Variants in FAM83E observed in about 807,000 individuals in gnomAD.
FAM83E encodes protein FAM83E.
FAM83E carries 29 observed loss-of-function variants against 34.3 expected under a neutral mutation model. That is an observed-to-expected ratio of 0.85 (90% CI 0.63 to 1.15). The LOEUF (loss-of-function observed/expected upper bound fraction) is 1.15. Among genes scored for constraint, FAM83E ranks in the 50% most tolerant of loss-of-function variants. The pLI is 0.00. For synonymous variants in FAM83E, 312 were observed against 311.6 expected, an observed-to-expected ratio of 1.00 and a Z score of -0.01; for missense variants, 697 against 685.0, an observed-to-expected ratio of 1.02 and a Z score of -0.20.
intron 5 of FAM83E, among the ~76,000 whole-genome samples, chr19:48,607,898 G>C (rs1601128165): frequency 6.7e-6 from 1 of 150,178 alleles, no homozygotes. Context: ...CCTGTCTTAC[G>C]TTACGTGCCA....
intron 6 of FAM83E, among the ~76,000 whole-genome samples, chr19:48,602,392 G>A (rs1413154092): frequency 6.6e-6 from 1 of 151,296 alleles, no homozygotes; most frequent in Non-Finnish European, 1.5e-5. Context: ...GGGAGCCCGA[G>A]AGGGAAGGGG....
rs1317429301 is a variant in FAM83E at position 48,613,352 on chromosome 19, C to T, written c.21G>A (p.Ala7=). ...GACCGGAGTCCACTCCTTCCAGCGC[C>T]GCCAGCTGGGAGGCCGCCATCGGGG... MAASQL[A]ALEGVDSGPR... is the part of the protein sequence containing the mutation. The change falls in exon 3 of 7, where the codon GCG becomes GCA. Residue 7 remains alanine, a synonymous_variant. Transcript: ENST00000263266. 21 of 1,570,484 alleles carry T rather than the reference C, an allele frequency of 1.3e-5. No homozygotes were observed. Among genetic ancestry groups the T allele is most frequent in the Non-Finnish European group, 1.6e-5 (19 of 1,158,472 alleles).
In FAM83E at chr19:48,601,297, G is replaced by T. The variant is rs1237961771; in HGVS notation, c.1249C>A (p.Pro417Thr). 1 of 1,576,974 alleles carries T rather than the reference G, an allele frequency of 6.3e-7. No homozygotes were observed. The highest frequency in any genetic ancestry group is 1.1e-5 in the South Asian group (1 of 87,020). The change falls in exon 7 of 7, where the codon CCC becomes ACC. Residue 417 changes from proline (P) to threonine (T), a missense_variant. Coordinates refer to ENST00000263266, the MANE Select transcript of FAM83E (RefSeq NM_017708.4). Reference protein sequence around the residue: ...LMRQRGTGGGPWGEVDSRPPW... With the variant: ...LMRQRGTGGGTWGEVDSRPPW... ...GGTCGGGAGTCCACTTCCCCCCAGG[G>T]GCCTCCTCCAGTGCCCCGCTGCCTC...
intron 5 of FAM83E, among the ~76,000 whole-genome samples, chr19:48,606,480 T>A (rs1375844316): frequency 6.6e-6 from 1 of 152,118 alleles, no homozygotes; most frequent in Non-Finnish European, 1.5e-5. Flanking sequence ...TTTACCCATC[T>A]GGAATATGGG....
rs537469368 is a variant in FAM83E at position 48,611,425 on chromosome 19, C to A, written c.466-578G>T. ...CCTCGTGATCCACCTGCCTCAGCCT[C>A]CCAAAGTGCTAGGAGTACAGGAGTG... On this transcript the variant is annotated intron_variant, in intron 3 of 6. Transcript: ENST00000263266. Among the ~76,000 whole-genome samples the A allele has an allele frequency of 1.8e-4, 27 of 152,176 alleles. 1 individual carries two copies. In the East Asian group the frequency reaches 4.8e-3, roughly 27 times the overall value.
At chr19:48,606,597 C>A (rs531047476) in intron 5 of FAM83E, 20 of 249,064 alleles carry the variant, frequency 8.0e-5, no homozygotes, top group African/African-American at 4.1e-4. Flanking sequence ...GGCGTCTTCA[C>A]CTTGGCAGGG....
In FAM83E at chr19:48,612,530, G is replaced by A. The variant is rs187214710; in HGVS notation, c.465+378C>T. 1.7e-3 allele frequency among the ~76,000 whole-genome samples: 252 copies of A among 151,792 alleles called. 1 individual carries two copies. Among genetic ancestry groups the A allele is most frequent in the Non-Finnish European group, 2.0e-3 (135 of 67,930 alleles). On this transcript the variant is annotated intron_variant, in intron 3 of 6. Coordinates refer to ENST00000263266, the MANE Select transcript of FAM83E (RefSeq NM_017708.4). ...AGCAATTCTGCTTCCTCAGCCTCCC[G>A]AGTAGCTGGGACTACAGGCGCCCAC...
chr19:48,602,697 AAAAAAAAATAT>A (rs1224898064), intron 6 of FAM83E, among the ~76,000 whole-genome samples: 4 of 26,982 alleles, frequency 1.5e-4, no homozygotes, highest in African/African-American at 5.1e-4. Context: ...AAAAAAAAAA[AAAAAAAAATAT>A]ATATATATAT....
At chr19:48,603,123 C>A (rs924951171) in intron 6 of FAM83E, among the ~76,000 whole-genome samples, 2 of 152,064 alleles carry the variant, frequency 1.3e-5, no homozygotes, top group East Asian at 3.9e-4. Context: ...TACTCTATTT[C>A]ATTTAGCCAA....
In FAM83E at chr19:48,602,400, G is replaced by C. The variant is rs373738835; in HGVS notation, c.1177-1031C>G. 8.6e-5 allele frequency among the ~76,000 whole-genome samples: 13 copies of C among 151,360 alleles called. No homozygotes were observed. The East Asian group carries it at 2.4e-3, about 27-fold the overall frequency. On this transcript the variant is annotated intron_variant, in intron 6 of 6. Transcript: ENST00000263266. ...CGGTGTGGGGAGCCCGAGAGGGAAG[G>C]GGGGAAGTGAGAGGGCAAACCTGGG...
In FAM83E at chr19:48,609,932, G is replaced by A. The variant is rs201002687; in HGVS notation, c.702C>T (p.Thr234=). The change falls in exon 5 of 7, where the codon ACC becomes ACT. Residue 234 remains threonine, a synonymous_variant. Transcript: ENST00000263266. ...QSRWRRQVSG[T]VREKFVLLDG... ...CCAGCAGCACAAACTTCTCCCGCAC[G>A]GTGCCGCTCACCTGCCGTCGCCAGC... 22 of 1,613,080 alleles carry A rather than the reference G, an allele frequency of 1.4e-5. No individual in the cohort carries two copies. The highest frequency in any genetic ancestry group is 8.9e-5 in the East Asian group (4 of 44,878).
chr19:48,614,725 G>C lies in FAM83E; in HGVS notation c.-1273C>G. On this transcript the variant is annotated 5_prime_UTR_variant, in exon 2 of 7. Transcript: ENST00000263266. ...GGGCTCACCCACACCGGCTAGTGCCGGGCTCAATGGCCTCCCTTCCAGTGC... is the reference window on the plus strand; with the variant it reads ...GGGCTCACCCACACCGGCTAGTGCCCGGCTCAATGGCCTCCCTTCCAGTGC... 1 of 973,830 alleles carries C rather than the reference G, an allele frequency of 1.0e-6. No individual in the cohort carries two copies. The highest frequency in any genetic ancestry group is 1.2e-6 in the Non-Finnish European group (1 of 824,810). The allele number at this position is 973,830 out of a possible 1,614,324, so 60.3% of individuals were successfully genotyped here.
chr19:48,609,830 T>A, intron 5 of FAM83E, 46 bp downstream of exon 5: 1 of 1,586,250 alleles, frequency 6.3e-7, no homozygotes, highest in Middle Eastern at 1.9e-4. Flanking sequence ...TGAGGGAAAG[T>A]GGGGTATAGG....
In FAM83E at chr19:48,600,227, G is replaced by C. The variant is rs1462585495; in HGVS notation, c.*882C>G. ...CCCGGGCCCCTCATCAGGAAGGCCT[G>C]ACCCTCGGGAGCTGTGTGTGTCTTC... On this transcript the variant is annotated 3_prime_UTR_variant, in exon 7 of 7. Coordinates refer to ENST00000263266, the MANE Select transcript of FAM83E (RefSeq NM_017708.4). Among the ~76,000 whole-genome samples, 2 of 152,236 alleles carry C rather than the reference G, an allele frequency of 1.3e-5. No homozygotes were observed. The highest frequency in any genetic ancestry group is 6.5e-5 in the Admixed American group (1 of 15,278).
rs927085853 is a variant in FAM83E at position 48,612,894 on chromosome 19, C to T, written c.465+14G>A. 1 of 1,517,688 alleles carries T rather than the reference C, an allele frequency of 6.6e-7. No individual in the cohort carries two copies. Among genetic ancestry groups the T allele is most frequent in the Non-Finnish European group, 8.9e-7 (1 of 1,126,306 alleles). The allele number at this position is 1,517,688 out of a possible 1,614,324, so 94.0% of individuals were successfully genotyped here. A position where few individuals can be genotyped will look rare whatever the true frequency, so the allele number is the denominator to read the frequency against. On this transcript the variant is annotated intron_variant, in intron 3 of 6. Coordinates refer to ENST00000263266, the MANE Select transcript of FAM83E (RefSeq NM_017708.4). ...CAGTCTGGTGAATGGACACAGGGCC[C>T]CCGCGACACCCACCTTGTGGGCAGC...
chr19:48,603,940 T>G, intron 5 of FAM83E, 29 bp from the exon 6 acceptor site: 1 of 1,577,088 alleles, frequency 6.3e-7, no homozygotes, highest in East Asian at 2.4e-5. Flanking sequence ...GGGGTCAGAG[T>G]CTCCAACCCT....
At chr19:48,603,236 C>G (rs534331619) in intron 6 of FAM83E, among the ~76,000 whole-genome samples, 7 of 152,148 alleles carry the variant, frequency 4.6e-5, no homozygotes, top group Non-Finnish European at 8.8e-5. Flanking sequence ...GGCTTCCCCC[C>G]ACCTAGTCTG....
rs1429707198 is a variant in FAM83E, at chr19:48,614,784, C to T, written c.-1332G>A. ...TCCGAGAACGTAGGCTGTGGCTCCC[C>T]GGCTTCTACTTCTGCGGTGCTTCCC... On this transcript the variant is annotated 5_prime_UTR_variant, in exon 2 of 7. Coordinates refer to ENST00000263266, the MANE Select transcript of FAM83E (RefSeq NM_017708.4). 1.9e-5 allele frequency: 19 copies of T among 983,674 alleles called. No homozygotes were observed. Among genetic ancestry groups the T allele is most frequent in the East Asian group, 1.1e-4 (1 of 8,814 alleles). 60.9% of individuals were successfully genotyped at this position (983,674 alleles called of 1,614,324 possible).
At chr19:48,604,589 C>T (rs1410934460) in intron 5 of FAM83E, among the ~76,000 whole-genome samples, 3 of 150,608 alleles carry the variant, frequency 2.0e-5, no homozygotes, top group Non-Finnish European at 4.4e-5. Context: ...GCCTCGGCCT[C>T]CCAAAGTGCT....
Sources: gnomAD v4.1 joint callset for allele counts (sites outside exome capture counted in the v4.1 genomes callset) on GRCh38, gnomAD v4.1.1 for gene constraint, MANE v1.5 for transcripts, NCBI Gene and HGNC (gene_info 2026-07-23, HGNC 2026-07-21) for gene names.